The following DMD variants were observed in gnomAD, a reference collection of about 807,000 sequenced individuals.
DMD encodes the protein dystrophin, also known as mutant dystrophin.
A neutral mutation model predicts 330.1 loss-of-function variants in DMD; 63 were observed. The ratio of observed to expected loss-of-function variants is 0.19; its 90% CI spans 0.16 to 0.24. DMD has a LOEUF of 0.24. Ranked by LOEUF, DMD falls within the 10% of genes least tolerant of loss-of-function variation. DMD has a pLI of 1.00. For synonymous variants in DMD, 1,223 were observed against 959.8 expected (o/e 1.27, Z -5.07); for missense variants, 3,344 against 2,684.1 (o/e 1.25, Z -5.43).
chrX:31,634,291 C>A (rs191724331), intron 54 of DMD, among the ~76,000 whole-genome samples: 1 of 111,764 alleles, frequency 8.9e-6, no homozygotes, highest in Non-Finnish European at 1.9e-5. Flanking sequence ...AGGTTTTCAT[C>A]CCCTCTCTCT....
At chrX:33,051,339 G>C (rs1191837030) in intron 1 of DMD, among the ~76,000 whole-genome samples, 1 of 107,185 alleles carries the variant, frequency 9.3e-6, no homozygotes, top group Non-Finnish European at 1.9e-5. Context: ...AGCCTCCTAA[G>C]TAGCTGGGAT....
intron 55 of DMD, among the ~76,000 whole-genome samples, chrX:31,619,449 T>C (rs1467555041): frequency 2.7e-5 from 3 of 112,124 alleles, no homozygotes; most frequent in African/African-American, 9.7e-5. Context: ...GAGCATCCTA[T>C]TAGATTTACA....
At position 31,756,989 on chromosome X, in the gene DMD, C is replaced by CTTT. The variant is rs72154168; in HGVS notation, c.7542+16968_7542+16970dup. On this transcript the variant is annotated intron_variant, in intron 51 of 78. Transcript: ENST00000357033. ...TAGTGATCACTTAAAGTTTGTTTTG[C>CTTT]TTTTTTTTTTTACCTTATATCAAGA... is the stretch of plus-strand genomic sequence containing the variant. Among the ~76,000 whole-genome samples, 709 of 102,119 alleles carry CTTT rather than the reference C, an allele frequency of 6.9e-3. 5 individuals carry two copies. The highest frequency in any genetic ancestry group is 0.01 in the Middle Eastern group (2 of 197). 88.7% of individuals were successfully genotyped at this position (102,119 alleles called of 115,157 possible).
In DMD at chrX:31,120,580, C is replaced by G. The variant is rs1057515858; in HGVS notation, c.*1339G>C. 2 of 111,963 alleles carry G rather than the reference C, an allele frequency of 1.8e-5. No individual in the cohort carries two copies. Among genetic ancestry groups the G allele is most frequent in the Admixed American group, 1.9e-4 (2 of 10,531 alleles). 9.2% of individuals were successfully genotyped at this position (111,963 alleles called of 1,213,427 possible). On this transcript the variant is annotated 3_prime_UTR_variant, in exon 79 of 79. Coordinates refer to ENST00000357033, the MANE Select transcript of DMD (RefSeq NM_004006.3). Reference sequence around the variant, plus strand: ...AAAAAAGCAACAAAAACCAAACCACCCAGTTCCTTTTGACTGTGAGAAGAG... The same window carrying G: ...AAAAAAGCAACAAAAACCAAACCACGCAGTTCCTTTTGACTGTGAGAAGAG...
intron 7 of DMD, among the ~76,000 whole-genome samples, chrX:32,737,593 T>C (rs1380510143): frequency 9.0e-6 from 1 of 111,655 alleles, no homozygotes; most frequent in Non-Finnish European, 1.9e-5. Flanking sequence ...AATGATGCAT[T>C]GGAAACTTGG....
chrX:33,252,103 T>C (rs1279785323), intron 1 of DMD, among the ~76,000 whole-genome samples: 1 of 112,195 alleles, frequency 8.9e-6, no homozygotes, highest in African/African-American at 3.2e-5. Flanking sequence ...TGGAAATAAA[T>C]ATCTTGAAGA....
At chrX:31,882,556 T>C (rs999119134) in intron 47 of DMD, among the ~76,000 whole-genome samples, 2 of 112,042 alleles carry the variant, frequency 1.8e-5, no homozygotes, top group Admixed American at 1.9e-4. Context: ...ACTCCATTTA[T>C]CAGGAAAGAT....
rs187402880 is a variant in DMD, at chrX:32,559,991, A to T, written c.1992+5711T>A. 2.2e-3 allele frequency among the ~76,000 whole-genome samples: 248 copies of T among 111,444 alleles called. 2 individuals are homozygous for T. Among genetic ancestry groups the T allele is most frequent in the Non-Finnish European group, 5.8e-4 (31 of 53,066 alleles). On this transcript the variant is annotated intron_variant, in intron 16 of 78. Coordinates refer to ENST00000357033, the MANE Select transcript of DMD (RefSeq NM_004006.3). ...ACAAGAAGAGGCAAATTCTGAGCATATGTATTTTATCTTAAAGAGGTGCTC... is the reference window on the plus strand; with the variant it reads ...ACAAGAAGAGGCAAATTCTGAGCATTTGTATTTTATCTTAAAGAGGTGCTC...
intron 52 of DMD, among the ~76,000 whole-genome samples, chrX:31,687,149 T>C (rs1430054298): frequency 3.6e-5 from 4 of 111,398 alleles, no homozygotes; most frequent in East Asian, 2.8e-4. Context: ...GCCTTGAACG[T>C]TGAATAACCA....
At chrX:31,165,643 GA>G (rs958084136) in intron 74 of DMD, among the ~76,000 whole-genome samples, 1 of 111,127 alleles carries the variant, frequency 9.0e-6, no homozygotes, top group Non-Finnish European at 1.9e-5. Flanking sequence ...ATCAACGCAA[GA>G]AAAAAAAGTA....
chrX:32,268,965 T>C (rs372503451), intron 43 of DMD, among the ~76,000 whole-genome samples: 13 of 96,052 alleles, frequency 1.4e-4, no homozygotes, highest in African/African-American at 4.4e-4. Context: ...AGTCAGGTGG[T>C]TATTAAACTG....
At chrX:32,235,826 C>G (rs1404782756) in intron 43 of DMD, among the ~76,000 whole-genome samples, 1 of 110,708 alleles carries the variant, frequency 9.0e-6, no homozygotes, top group Non-Finnish European at 1.9e-5. Context: ...CATTAACAGA[C>G]TATTGTTTTA....
chrX:32,790,525 C>T (rs1028364253), intron 7 of DMD, among the ~76,000 whole-genome samples: 2 of 111,402 alleles, frequency 1.8e-5, no homozygotes, highest in Non-Finnish European at 3.8e-5. Flanking sequence ...GTTTTGAGAG[C>T]CCAGCCCCCA....
chrX:33,166,873 T>G (rs2049084211), intron 1 of DMD, among the ~76,000 whole-genome samples: 1 of 110,748 alleles, frequency 9.0e-6, no homozygotes, highest in Admixed American at 9.7e-5. Context: ...ATAAAAGAAT[T>G]AATTTCTACT....
chrX:32,972,715 C>T (rs1056912773), intron 2 of DMD, among the ~76,000 whole-genome samples: 6 of 111,578 alleles, frequency 5.4e-5, no homozygotes, highest in Non-Finnish European at 9.4e-5. Context: ...ATTAGTGGGA[C>T]GATGGGTAAG....
At chrX:31,521,855 T>TTC (rs1242511911) in intron 55 of DMD, among the ~76,000 whole-genome samples, 15 of 111,737 alleles carry the variant, frequency 1.3e-4, no homozygotes, top group Non-Finnish European at 2.4e-4. Context: ...TTTGTCAGAG[T>TTC]TCTCTTCCTT....
intron 67 of DMD, among the ~76,000 whole-genome samples, chrX:31,188,759 C>T (rs1179730183): frequency 1.8e-5 from 2 of 111,815 alleles, no homozygotes; most frequent in Admixed American, 1.9e-4. Flanking sequence ...TTGGTCCTCA[C>T]CTGCCAGCAA....
intron 50 of DMD, among the ~76,000 whole-genome samples, chrX:31,811,742 C>T (rs1328429897): frequency 2.7e-5 from 3 of 111,307 alleles, no homozygotes; most frequent in Non-Finnish European, 3.8e-5. Context: ...GCAGAGAAAT[C>T]ATCTGTTAAT....
chrX:32,939,893 A>C (rs1445319928), intron 2 of DMD, among the ~76,000 whole-genome samples: 1 of 111,665 alleles, frequency 9.0e-6, no homozygotes, highest in Admixed American at 9.6e-5. Context: ...ACAAACAAAT[A>C]GAAAAACTTT....
Sources: allele counts gnomAD v4.1 joint callset (sites outside exome capture counted in the v4.1 genomes callset), GRCh38; gene constraint gnomAD v4.1.1; transcripts MANE v1.5; gene names NCBI Gene and HGNC (gene_info 2026-07-23, HGNC 2026-07-21).